NPAS3: variants seen among roughly 807,000 people sequenced by gnomAD.
NPAS3 encodes the protein neuronal PAS domain-containing protein 3.
NPAS3 carries 14 observed loss-of-function variants against 73.1 expected under a neutral mutation model. The ratio of observed to expected loss-of-function variants is 0.19; its 90% CI spans 0.13 to 0.30. NPAS3 has a LOEUF of 0.30. Ranked by LOEUF, NPAS3 falls within the 10% of genes least tolerant of loss-of-function variation. The pLI is 1.00. For synonymous variants in NPAS3, 620 were observed against 541.5 expected (o/e 1.14, Z -2.01); for missense variants, 1,096 against 1,250.0 (o/e 0.88, Z 1.86).
intron 4 of NPAS3, among the ~76,000 whole-genome samples, chr14:33,510,688 C>T (rs904427423): frequency 5.3e-5 from 8 of 151,992 alleles, no homozygotes; most frequent in South Asian, 4.1e-4. Context: ...AGGTGTAGTG[C>T]GTTACACTAA....
At chr14:33,737,241 G>T (rs2061545276) in intron 7 of NPAS3, among the ~76,000 whole-genome samples, 1 of 152,120 alleles carries the variant, frequency 6.6e-6, no homozygotes, top group South Asian at 2.1e-4. Flanking sequence ...AAAAGGTCAC[G>T]CTGAGGAGGC....
intron 3 of NPAS3, among the ~76,000 whole-genome samples, chr14:33,286,714 A>C (rs1275260592): frequency 2.0e-5 from 3 of 151,808 alleles, no homozygotes; most frequent in African/African-American, 7.3e-5. Flanking sequence ...TTTTTTTATT[A>C]GGTAGTCTCT....
At chr14:33,595,787 C>G (rs1025989447) in intron 5 of NPAS3, among the ~76,000 whole-genome samples, 3 of 152,182 alleles carry the variant, frequency 2.0e-5, no homozygotes, top group African/African-American at 7.2e-5. Context: ...TCTCCTGCCT[C>G]AGCCTCCCAA....
At chr14:33,189,034 G>T (rs964724762) in intron 2 of NPAS3, among the ~76,000 whole-genome samples, 1 of 152,164 alleles carries the variant, frequency 6.6e-6, no homozygotes, top group East Asian at 1.9e-4. Flanking sequence ...ATTGGAAGTT[G>T]TTTATCTGAA....
chr14:33,292,202 A>G (rs1026556204), intron 3 of NPAS3, among the ~76,000 whole-genome samples: 9 of 152,194 alleles, frequency 5.9e-5, no homozygotes, highest in Non-Finnish European at 1.2e-4. Context: ...TGCAGTTAAC[A>G]GTAAAACACA....
At chr14:33,212,441 G>C (rs2047073905) in intron 2 of NPAS3, among the ~76,000 whole-genome samples, 1 of 138,224 alleles carries the variant, frequency 7.2e-6, no homozygotes. Context: ...AGACAAGGTA[G>C]AGAAAAGAAA....
At chr14:32,962,451 C>T (rs2036966138) in intron 1 of NPAS3, among the ~76,000 whole-genome samples, 1 of 151,584 alleles carries the variant, frequency 6.6e-6, no homozygotes, top group African/African-American at 2.4e-5. Context: ...GTATTAAATG[C>T]AAGTATTAAC....
In NPAS3 at chr14:33,662,402, T is replaced by C. The variant is rs1006072796; in HGVS notation, c.559-13809T>C. On this transcript the variant is annotated intron_variant, in intron 5 of 11. Transcript: ENST00000356141. ...AAGACAACAACCCTACTGAGTTCTCTTGGGAGAAGGAAGAAGCTAGATTTA... is the reference window on the plus strand; with the variant it reads ...AAGACAACAACCCTACTGAGTTCTCCTGGGAGAAGGAAGAAGCTAGATTTA... Among the ~76,000 whole-genome samples the C allele has an allele frequency of 5.3e-5, 8 of 152,340 alleles. 1 individual carries two copies. The East Asian group carries it at 1.3e-3, about 26-fold the overall frequency.
chr14:33,198,316 A>T (rs772379318), intron 2 of NPAS3, among the ~76,000 whole-genome samples: 4 of 152,156 alleles, frequency 2.6e-5, no homozygotes, highest in African/African-American at 9.7e-5. Context: ...CCCCACCCAC[A>T]TCCTGCTGAT....
chr14:33,063,177 A>G (rs2041167033), intron 2 of NPAS3, among the ~76,000 whole-genome samples: 1 of 152,208 alleles, frequency 6.6e-6, no homozygotes, highest in South Asian at 2.1e-4. Context: ...TGTTTTGAGG[A>G]TGAATGTGAT....
chr14:33,173,876 T>C (rs2045488435), intron 2 of NPAS3, among the ~76,000 whole-genome samples: 1 of 152,210 alleles, frequency 6.6e-6, no homozygotes, highest in Admixed American at 6.5e-5. Flanking sequence ...TTCTGTTGTA[T>C]TAAAACATGA....
chr14:33,433,606 T>C (rs2048866267), intron 4 of NPAS3, among the ~76,000 whole-genome samples: 1 of 152,202 alleles, frequency 6.6e-6, no homozygotes, highest in African/African-American at 2.4e-5. Context: ...TTATATTGCT[T>C]TTCTTAGCAA....
At chr14:33,172,653 T>C (rs2045435935) in intron 2 of NPAS3, among the ~76,000 whole-genome samples, 1 of 151,930 alleles carries the variant, frequency 6.6e-6, no homozygotes. Flanking sequence ...GAAGAATAGC[T>C]TGAACCTTGG....
In NPAS3 at chr14:33,279,326, G is replaced by T. The variant is rs919177049; in HGVS notation, c.385+63900G>T. The stretch of plus-strand genomic sequence containing the variant: ...AATGTATTCATTTAATAATGTACCA[G>T]GCACAATGCTAATCATTTTGAACTT... On this transcript the variant is annotated intron_variant, in intron 3 of 11. Transcript: ENST00000356141. Among the ~76,000 whole-genome samples, 4 of 152,092 alleles carry T rather than the reference G, an allele frequency of 2.6e-5. No homozygotes were observed. The East Asian group carries it at 7.7e-4, about 29-fold the overall frequency.
intron 9 of NPAS3, among the ~76,000 whole-genome samples, chr14:33,787,269 A>T (rs1037929365): frequency 6.6e-6 from 1 of 152,200 alleles, no homozygotes; most frequent in East Asian, 1.9e-4. Context: ...AATTCAGTAC[A>T]TTATCATGAA....
chr14:33,344,803 C>T (rs2044652435), intron 3 of NPAS3, among the ~76,000 whole-genome samples: 1 of 152,188 alleles, frequency 6.6e-6, no homozygotes. Flanking sequence ...ATCCCACTCC[C>T]CTGGAACTGC....
At chr14:33,777,888 G>A (rs12895061) in intron 8 of NPAS3, among the ~76,000 whole-genome samples, 57,651 of 152,012 alleles carry the variant, frequency 0.38, 11,166 homozygotes, top group African/African-American at 0.45. Flanking sequence ...AAAAGGGCCA[G>A]GAGTGAAAGC....
intron 3 of NPAS3, among the ~76,000 whole-genome samples, chr14:33,327,278 C>G (rs74042039): frequency 6.6e-6 from 1 of 152,146 alleles, no homozygotes; most frequent in South Asian, 2.1e-4. Flanking sequence ...ATGCTATGTA[C>G]GACACGCTGT....
chr14:33,140,794 A>G (rs1041137007), intron 2 of NPAS3, among the ~76,000 whole-genome samples: 3 of 152,192 alleles, frequency 2.0e-5, no homozygotes, highest in African/African-American at 7.2e-5. Context: ...AAAGATGAGA[A>G]GTGTTATGGG....
Sources: allele counts gnomAD v4.1 joint callset (sites outside exome capture counted in the v4.1 genomes callset), GRCh38; gene constraint gnomAD v4.1.1; transcripts MANE v1.5; gene names NCBI Gene and HGNC (gene_info 2026-07-23, HGNC 2026-07-21).